FAM163A: variants seen among roughly 807,000 people sequenced by gnomAD.
The protein encoded by FAM163A is family with sequence similarity 163 member A, also known as protein FAM163A.
Under a neutral mutation model 12.0 loss-of-function variants are expected in FAM163A, and 7 were observed. That is an observed-to-expected ratio of 0.58 (90% CI 0.33 to 1.10). The LOEUF (loss-of-function observed/expected upper bound fraction) is 1.10. FAM163A is among the 50% of genes least tolerant of loss of function. The pLI, the probability that FAM163A is intolerant of heterozygous loss-of-function variation, is 0.03. For synonymous variants in FAM163A, 101 were observed against 91.0 expected, an observed-to-expected ratio of 1.11 and a Z score of -0.62; for missense variants, 202 against 218.6, an observed-to-expected ratio of 0.92 and a Z score of 0.48.
intron 1 of FAM163A, among the ~76,000 whole-genome samples, chr1:179,791,193 C>T (rs11807533): frequency 0.014 from 2,163 of 152,240 alleles, 45 homozygotes; most frequent in African/African-American, 0.05. Context: ...AGGAACCTAA[C>T]GTTATGAGAC....
chr1:179,799,631 T>C (rs1027525127), intron 1 of FAM163A, among the ~76,000 whole-genome samples: 1 of 152,174 alleles, frequency 6.6e-6, no homozygotes, highest in South Asian at 2.1e-4. Context: ...ACAAACAAGA[T>C]GAAGCATAGG....
intron 1 of FAM163A, among the ~76,000 whole-genome samples, chr1:179,781,620 G>A (rs1012759033): frequency 1.3e-5 from 2 of 152,142 alleles, no homozygotes; most frequent in African/African-American, 4.8e-5. Flanking sequence ...AGGGATGAGG[G>A]TGGTAAATGC....
the FAM163A span, among the ~76,000 whole-genome samples, chr1:179,728,638 T>C: frequency 6.6e-5 from 10 of 152,096 alleles, no homozygotes; most frequent in Non-Finnish European, 1.2e-4. Context: ...TGTTTGTGGG[T>C]TTGTGATTTG....
chr1:179,789,669 T>C (rs1239496495), intron 1 of FAM163A, among the ~76,000 whole-genome samples: 2 of 152,180 alleles, frequency 1.3e-5, no homozygotes, highest in East Asian at 3.8e-4. Context: ...GACTTAACAT[T>C]GGTAGGGTGC....
intron 1 of FAM163A, among the ~76,000 whole-genome samples, chr1:179,788,586 G>A (rs1690978484): frequency 6.6e-6 from 1 of 152,194 alleles, no homozygotes; most frequent in African/African-American, 2.4e-5. Flanking sequence ...CTTACCAGTG[G>A]CATGGGTTTG....
chr1:179,805,375 G>A (rs1046893260), intron 1 of FAM163A, among the ~76,000 whole-genome samples: 5 of 152,034 alleles, frequency 3.3e-5, no homozygotes, highest in Admixed American at 1.3e-4. Context: ...AAAATTAGCC[G>A]GGGGTGGTGG....
At chr1:179,742,300 TTC>T (rs753439173), upstream of FAM163A, 7 of 152,150 alleles carry the variant, frequency 4.6e-5, no homozygotes, top group Non-Finnish European at 8.8e-5. Context: ...TTTTGGAGTT[TTC>T]TGTTTTTGTT....
At chr1:179,771,900 CT>C (rs1688341859) in intron 1 of FAM163A, among the ~76,000 whole-genome samples, 1 of 152,110 alleles carries the variant, frequency 6.6e-6, no homozygotes, top group Non-Finnish European at 1.5e-5. Context: ...GCCTGGGCTT[CT>C]GATTATCTGC....
intron 1 of FAM163A, among the ~76,000 whole-genome samples, chr1:179,798,937 C>T (rs115371583): frequency 0.01 from 1,544 of 152,288 alleles, 30 homozygotes; most frequent in African/African-American, 0.035. Flanking sequence ...TCCTGCCACC[C>T]TGAGTGTGAG....
chr1:179,749,354 A>G (rs776379114), intron 1 of FAM163A, among the ~76,000 whole-genome samples: 4 of 152,220 alleles, frequency 2.6e-5, no homozygotes, highest in South Asian at 2.1e-4. Flanking sequence ...GGGAAAACCT[A>G]GTGTGTGCTC....
At chr1:179,744,866 G>A (rs1440164264) in intron 1 of FAM163A, among the ~76,000 whole-genome samples, 4 of 152,222 alleles carry the variant, frequency 2.6e-5, no homozygotes, top group African/African-American at 9.7e-5. Flanking sequence ...CATGTTTTAT[G>A]TCGTGTGGGA....
chr1:179,749,773 C>T (rs929410472), intron 1 of FAM163A, among the ~76,000 whole-genome samples: 10 of 152,074 alleles, frequency 6.6e-5, no homozygotes, highest in Non-Finnish European at 1.3e-4. Flanking sequence ...GCAGGAGAAT[C>T]GCTTGAACCT....
chr1:179,774,699 G>A (rs1688707759), intron 1 of FAM163A, among the ~76,000 whole-genome samples: 1 of 152,172 alleles, frequency 6.6e-6, no homozygotes, highest in African/African-American at 2.4e-5. Context: ...GATCCTCCTG[G>A]TTCCCTGTGG....
At chr1:179,761,314 C>A (rs755359896) in intron 1 of FAM163A, among the ~76,000 whole-genome samples, 4 of 152,162 alleles carry the variant, frequency 2.6e-5, no homozygotes, top group African/African-American at 4.8e-5. Flanking sequence ...TGATAAGAAG[C>A]AAACAACAAA....
At chr1:179,807,154 A>G (rs1318702192) in intron 1 of FAM163A, among the ~76,000 whole-genome samples, 1 of 152,050 alleles carries the variant, frequency 6.6e-6, no homozygotes, top group African/African-American at 2.4e-5. Context: ...AAACAAATGA[A>G]ACAATGTAAA....
intron 1 of FAM163A, among the ~76,000 whole-genome samples, chr1:179,799,811 G>T (rs1297101528): frequency 6.6e-6 from 1 of 152,222 alleles, no homozygotes; most frequent in Non-Finnish European, 1.5e-5. Context: ...GACTAGCATT[G>T]TCTGTATAAA....
intron 1 of FAM163A, among the ~76,000 whole-genome samples, chr1:179,799,157 G>T (rs1692806794): frequency 6.6e-6 from 1 of 152,100 alleles, no homozygotes; most frequent in Non-Finnish European, 1.5e-5. Context: ...AGTGAAACAA[G>T]CCCTATAGAT....
chr1:179,767,522 C>G (rs1020030257), intron 1 of FAM163A, among the ~76,000 whole-genome samples: 6 of 152,164 alleles, frequency 3.9e-5, no homozygotes, highest in Non-Finnish European at 7.3e-5. Flanking sequence ...CAACTGGGAG[C>G]CTTCTCCTTT....
intron 1 of FAM163A, among the ~76,000 whole-genome samples, chr1:179,766,184 C>T (rs7544460): frequency 0.094 from 14,249 of 152,238 alleles, 837 homozygotes; most frequent in Non-Finnish European, 0.13. Context: ...AATCTCTCTT[C>T]CCCAAGACAG....
Sources: allele counts gnomAD v4.1 joint callset (sites outside exome capture counted in the v4.1 genomes callset), GRCh38; gene constraint gnomAD v4.1.1; transcripts MANE v1.5; gene names NCBI Gene and HGNC (gene_info 2026-07-23, HGNC 2026-07-21).